GRM7: variants seen among roughly 807,000 people sequenced by gnomAD.
The protein encoded by GRM7 is glutamate metabotropic receptor 7.
In GRM7, 35 loss-of-function variants were observed where a neutral mutation model predicts 84.5. The observed-to-expected ratio is 0.41, with a 90% confidence interval of 0.32 to 0.55. The LOEUF (loss-of-function observed/expected upper bound fraction) is 0.55. GRM7 is among the 20% of genes least tolerant of loss of function. GRM7 has a pLI of 0.19. For synonymous variants in GRM7, 487 were observed against 455.1 expected (o/e 1.07, Z -0.89); for missense variants, 1,003 against 1,194.6 (o/e 0.84, Z 2.36).
At chr3:7,113,293 C>A (rs1210504751) in intron 1 of GRM7, among the ~76,000 whole-genome samples, 1 of 152,058 alleles carries the variant, frequency 6.6e-6, no homozygotes, top group Admixed American at 6.6e-5. Context: ...TGTTTTAGAG[C>A]AGGTATAGAT....
At chr3:7,543,798 A>G (rs1693012550) in intron 7 of GRM7, among the ~76,000 whole-genome samples, 1 of 152,234 alleles carries the variant, frequency 6.6e-6, no homozygotes. Flanking sequence ...CTCAAGGGAC[A>G]GAAAACAAAG....
intron 4 of GRM7, among the ~76,000 whole-genome samples, chr3:7,413,420 A>G (rs539301547): frequency 1.3e-5 from 2 of 152,336 alleles, no homozygotes; most frequent in East Asian, 3.9e-4. Context: ...TGCCCTAGCT[A>G]TAAGAATAAA....
chr3:7,280,862 G>A lies in GRM7; in HGVS notation c.737-17822G>A, dbSNP rs117452320. Among the ~76,000 whole-genome samples, 73 of 152,280 alleles carry A rather than the reference G, an allele frequency of 4.8e-4. 1 individual carries two copies. In the East Asian group the frequency reaches 0.014, roughly 29 times the overall value. On this transcript the variant is annotated intron_variant, in intron 2 of 9. Transcript: ENST00000357716. ...ATCTCCTTCTTTAAAGACCAGATAAGTAGAAATGGTGGCACTGAACAGGTA... is the reference window on the plus strand; with the variant it reads ...ATCTCCTTCTTTAAAGACCAGATAAATAGAAATGGTGGCACTGAACAGGTA...
intron 2 of GRM7, among the ~76,000 whole-genome samples, chr3:7,205,952 A>G (rs1022202348): frequency 6.6e-6 from 1 of 152,204 alleles, no homozygotes; most frequent in Non-Finnish European, 1.5e-5. Context: ...ATTTCCCTCA[A>G]GTACCTCAGT....
intron 7 of GRM7, among the ~76,000 whole-genome samples, chr3:7,521,043 C>T (rs1106487): frequency 5.3e-5 from 8 of 152,142 alleles, no homozygotes; most frequent in African/African-American, 1.9e-4. Flanking sequence ...TTTATTGTTC[C>T]TAATGGGTCA....
chr3:7,142,934 A>G (rs1574955882), intron 1 of GRM7, among the ~76,000 whole-genome samples: 2 of 152,286 alleles, frequency 1.3e-5, no homozygotes, highest in South Asian at 4.1e-4. Context: ...AGATGACAAT[A>G]TGGTCCTGTG....
intron 2 of GRM7, among the ~76,000 whole-genome samples, chr3:7,253,220 T>A (rs889587441): frequency 6.6e-6 from 1 of 152,108 alleles, no homozygotes; most frequent in African/African-American, 2.4e-5. Context: ...TTGTCCTCAG[T>A]AGTTTACCAT....
intron 1 of GRM7, among the ~76,000 whole-genome samples, chr3:7,086,717 G>A (rs1698470604): frequency 6.6e-6 from 1 of 152,156 alleles, no homozygotes. Context: ...CAAGACTTTA[G>A]CATGTGTTCA....
chr3:7,343,831 A>C (rs1692763440), intron 4 of GRM7, among the ~76,000 whole-genome samples: 1 of 152,006 alleles, frequency 6.6e-6, no homozygotes, highest in Non-Finnish European at 1.5e-5. Context: ...TTGTTCTTTC[A>C]TGTGTCTACA....
chr3:7,288,998 T>C (rs1699526657), intron 2 of GRM7, among the ~76,000 whole-genome samples: 2 of 152,198 alleles, frequency 1.3e-5, no homozygotes, highest in African/African-American at 4.8e-5. Flanking sequence ...TTTTTCCCCA[T>C]ATACATGCAG....
intron 5 of GRM7, among the ~76,000 whole-genome samples, chr3:7,448,839 T>A (rs1246549717): frequency 1.3e-5 from 2 of 152,118 alleles, no homozygotes; most frequent in Non-Finnish European, 2.9e-5. Flanking sequence ...CAAGGCATTC[T>A]CTCCAGGATG....
chr3:6,976,568 TC>T (rs1262766505), intron 1 of GRM7, among the ~76,000 whole-genome samples: 2 of 152,206 alleles, frequency 1.3e-5, no homozygotes, highest in African/African-American at 4.8e-5. Flanking sequence ...ATTTTTTGTT[TC>T]TTTGAGCACC....
At chr3:7,040,242 C>T (rs188137907) in intron 1 of GRM7, among the ~76,000 whole-genome samples, 1 of 152,144 alleles carries the variant, frequency 6.6e-6, no homozygotes, top group Non-Finnish European at 1.5e-5. Context: ...CCTCTTGTAA[C>T]AGAAACCTCA....
At chr3:7,538,702 C>CAA (rs111719655) in intron 7 of GRM7, among the ~76,000 whole-genome samples, 7 of 149,892 alleles carry the variant, frequency 4.7e-5, no homozygotes, top group East Asian at 3.9e-4. Context: ...CCACAGCCAC[C>CAA]AAAAAAAAAT....
chr3:7,587,470 C>A (rs938510379), intron 8 of GRM7, among the ~76,000 whole-genome samples: 1 of 152,162 alleles, frequency 6.6e-6, no homozygotes, highest in African/African-American at 2.4e-5. Flanking sequence ...TCTGGGGGAA[C>A]TGTCAGGAGA....
intron 5 of GRM7, among the ~76,000 whole-genome samples, chr3:7,417,750 G>T (rs1017168985): frequency 6.6e-6 from 1 of 152,076 alleles, no homozygotes; most frequent in Non-Finnish European, 1.5e-5. Context: ...TAAGATGTGA[G>T]CACAAATTAA....
At chr3:7,468,100 A>C (rs17047395) in intron 7 of GRM7, among the ~76,000 whole-genome samples, 2,393 of 152,304 alleles carry the variant, frequency 0.016, 52 homozygotes, top group African/African-American at 0.047. Context: ...TAAAACTGCT[A>C]ATCACTCTAT....
At chr3:7,599,432 G>T (rs1474270276) in intron 8 of GRM7, among the ~76,000 whole-genome samples, 2 of 152,084 alleles carry the variant, frequency 1.3e-5, no homozygotes, top group African/African-American at 4.8e-5. Context: ...TTAAGCTTTA[G>T]TCCCTGTATC....
chr3:7,517,117 G>A (rs957370205), intron 7 of GRM7, among the ~76,000 whole-genome samples: 5 of 152,116 alleles, frequency 3.3e-5, no homozygotes, highest in African/African-American at 1.2e-4. Flanking sequence ...TAATAAACAG[G>A]AGAAAGTGGA....
Sources: allele counts gnomAD v4.1 joint callset (sites outside exome capture counted in the v4.1 genomes callset), GRCh38; gene constraint gnomAD v4.1.1; transcripts MANE v1.5; gene names NCBI Gene and HGNC (gene_info 2026-07-23, HGNC 2026-07-21).